MPPED2: variants seen among roughly 807,000 people sequenced by gnomAD.
The protein encoded by MPPED2 is metallophosphoesterase MPPED2.
In MPPED2, 5 loss-of-function variants were observed where a neutral mutation model predicts 33.0. That is an observed-to-expected ratio of 0.15 (90% confidence interval 0.08 to 0.32). MPPED2 has a LOEUF of 0.32. Among genes scored for constraint, MPPED2 ranks in the 10% least tolerant of loss-of-function variants. The pLI, the probability that MPPED2 is intolerant of heterozygous loss-of-function variation, is 1.00. For synonymous variants in MPPED2, 136 were observed against 141.9 expected (o/e 0.96, Z 0.29); for missense variants, 275 against 372.1 (o/e 0.74, Z 2.15).
chr11:30,410,654 T>C lies in MPPED2; in HGVS notation c.*814A>G. 1 of 985,752 alleles carries C rather than the reference T, an allele frequency of 1.0e-6. No homozygotes were observed. Among genetic ancestry groups the C allele is most frequent in the Non-Finnish European group, 1.2e-6 (1 of 829,838 alleles). 61.1% of individuals were successfully genotyped at this position (985,752 alleles called of 1,614,324 possible). A position where few individuals can be genotyped will look rare whatever the true frequency, so the allele number is the denominator to read the frequency against. On this transcript the variant is annotated 3_prime_UTR_variant, in exon 7 of 7. Transcript: ENST00000358117. Reference sequence around the variant, plus strand: ...TTGCTATACAGCATCCCTTTGCAGTTGTACTGTCCTTGACAATAATAAACT... The same window carrying C: ...TTGCTATACAGCATCCCTTTGCAGTCGTACTGTCCTTGACAATAATAAACT...
At chr11:30,524,321 C>T (rs1335487275) in intron 3 of MPPED2, among the ~76,000 whole-genome samples, 4 of 151,794 alleles carry the variant, frequency 2.6e-5, no homozygotes, top group Admixed American at 2.0e-4. Flanking sequence ...ACACACAAGT[C>T]CAAAGAGTGA....
rs11339582 is a variant in MPPED2 at position 30,526,703 on chromosome 11, C to CA, written c.310+9290dup. On this transcript the variant is annotated intron_variant, in intron 3 of 6. Transcript: ENST00000358117. ...TGGGCTACAGAGCAAGAATAAATCT[C>CA]AAAAAAAAAAAAAAGGCTCCTACCT... Among the ~76,000 whole-genome samples the CA allele has an allele frequency of 9.4e-3, 1,191 of 126,804 alleles. 14 individuals are homozygous for CA. Among genetic ancestry groups the CA allele is most frequent in the African/African-American group, 0.027 (888 of 33,380 alleles). The allele number at this position is 126,804 out of a possible 152,430, so 83.2% of individuals were successfully genotyped here. A position where few individuals can be genotyped will look rare whatever the true frequency, so the allele number is the denominator to read the frequency against.
chr11:30,457,615 A>G (rs1287551217), intron 4 of MPPED2, among the ~76,000 whole-genome samples: 3 of 152,166 alleles, frequency 2.0e-5, no homozygotes, highest in Admixed American at 2.0e-4. Flanking sequence ...TCCACAAACT[A>G]GTTATTTCAC....
rs1247880735 is a variant in MPPED2 at position 30,414,220 on chromosome 11, G to C, written c.766+8C>G. 6 of 1,597,826 alleles carry C rather than the reference G, an allele frequency of 3.8e-6. No homozygotes were observed. In the South Asian group the frequency reaches 5.5e-5, roughly 15 times the overall value. ...AAAATGTTTTGAATTCTTTTCCGCT[G>C]TTCTTACCTTCATGGATTCCACCAA... is the stretch of plus-strand genomic sequence containing the variant. On this transcript the variant is annotated splice_region_variant and intron_variant, in intron 6 of 6. Coordinates refer to ENST00000358117, the MANE Select transcript of MPPED2 (RefSeq NM_001584.3).
intron 4 of MPPED2, among the ~76,000 whole-genome samples, chr11:30,482,324 A>G (rs1017904376): frequency 2.0e-5 from 3 of 152,166 alleles, no homozygotes; most frequent in Admixed American, 2.0e-4. Context: ...GCTTACTGCT[A>G]AATATAAGAA....
intron 4 of MPPED2, among the ~76,000 whole-genome samples, chr11:30,479,078 G>C (rs899455996): frequency 2.0e-5 from 3 of 152,066 alleles, no homozygotes; most frequent in Non-Finnish European, 4.4e-5. Context: ...AGAGGGCCTG[G>C]ACAAGAAGCC....
intron 2 of MPPED2, among the ~76,000 whole-genome samples, chr11:30,550,065 A>C (rs1010761594): frequency 2.0e-5 from 3 of 152,166 alleles, no homozygotes; most frequent in African/African-American, 7.2e-5. Context: ...CTAATGACTC[A>C]ACATTTTAAT....
chr11:30,463,609 G>A (rs1044384276), intron 4 of MPPED2, among the ~76,000 whole-genome samples: 2 of 152,206 alleles, frequency 1.3e-5, no homozygotes, highest in African/African-American at 4.8e-5. Context: ...GAGACAGCAT[G>A]CCTGAGGATG....
intron 6 of MPPED2, among the ~76,000 whole-genome samples, chr11:30,395,545 C>A (rs1460527488): frequency 3.3e-5 from 5 of 152,082 alleles, no homozygotes; most frequent in Non-Finnish European, 7.4e-5. Flanking sequence ...TTTCAAAAAT[C>A]ATTTATATTA....
intron 4 of MPPED2, among the ~76,000 whole-genome samples, chr11:30,418,316 T>C (rs1051959318): frequency 1.3e-5 from 2 of 152,208 alleles, no homozygotes; most frequent in Non-Finnish European, 2.9e-5. Context: ...ACAATGAACA[T>C]GAGCCTTTTT....
intron 1 of MPPED2, among the ~76,000 whole-genome samples, chr11:30,582,514 A>G (rs974145972): frequency 2.0e-5 from 3 of 152,240 alleles, no homozygotes; most frequent in Non-Finnish European, 4.4e-5. Context: ...CTGAGTAACA[A>G]TCTCTGCACC....
chr11:30,466,956 CATATT>C (rs1284139010), intron 4 of MPPED2, among the ~76,000 whole-genome samples: 5 of 152,140 alleles, frequency 3.3e-5, no homozygotes, highest in Admixed American at 6.5e-5. Context: ...ATGTATGTGT[CATATT>C]ATAACATACC....
At chr11:30,486,396 G>T (rs1466101873) in intron 4 of MPPED2, among the ~76,000 whole-genome samples, 2 of 152,184 alleles carry the variant, frequency 1.3e-5, no homozygotes, top group African/African-American at 4.8e-5. Context: ...CAATCACTGA[G>T]AATTCAGCCA....
intron 6 of MPPED2, among the ~76,000 whole-genome samples, chr11:30,404,560 G>T (rs1015329042): frequency 6.6e-6 from 1 of 152,234 alleles, no homozygotes; most frequent in African/African-American, 2.4e-5. Flanking sequence ...CTAGCTGCCT[G>T]TGCTTGTCTG....
At chr11:30,407,928 T>TA (rs1491470054), downstream of MPPED2, among the ~76,000 whole-genome samples, 3 of 151,980 alleles carry the variant, frequency 2.0e-5, no homozygotes, top group Non-Finnish European at 4.4e-5. Flanking sequence ...TATATTTTTT[T>TA]AAAAAGGTAC....
chr11:30,406,100 T>C (rs1947985431), downstream of MPPED2, among the ~76,000 whole-genome samples: 1 of 152,102 alleles, frequency 6.6e-6, no homozygotes, highest in African/African-American at 2.4e-5. Context: ...GAAGGAGGAA[T>C]TGGAAGCCTA....
intron 2 of MPPED2, among the ~76,000 whole-genome samples, chr11:30,561,783 C>A (rs1956251290): frequency 6.6e-6 from 1 of 152,192 alleles, no homozygotes. Flanking sequence ...CACAGGGTTT[C>A]TCAACCCTAA....
intron 6 of MPPED2, among the ~76,000 whole-genome samples, chr11:30,404,445 C>T (rs563887876): frequency 1.2e-4 from 18 of 152,336 alleles, no homozygotes; most frequent in African/African-American, 3.6e-4. Flanking sequence ...AAACCAGCTA[C>T]GTGACACACT....
intron 2 of MPPED2, among the ~76,000 whole-genome samples, chr11:30,552,105 T>A (rs1285428185): frequency 6.6e-6 from 1 of 152,226 alleles, no homozygotes; most frequent in Non-Finnish European, 1.5e-5. Context: ...TTACACTTCA[T>A]AAGTCAATTC....
Sources: gnomAD v4.1 joint callset for allele counts (sites outside exome capture counted in the v4.1 genomes callset) on GRCh38, gnomAD v4.1.1 for gene constraint, MANE v1.5 for transcripts, NCBI Gene and HGNC (gene_info 2026-07-23, HGNC 2026-07-21) for gene names.